Variants in PON3 observed in about 807,000 individuals in gnomAD.
PON3 encodes the protein paraoxonase 3, also known as serum paraoxonase/lactonase 3.
In PON3, 37 loss-of-function variants were observed where a neutral mutation model predicts 36.3. The ratio of observed to expected loss-of-function variants is 1.02; its 90% confidence interval spans 0.78 to 1.34. The LOEUF is 1.34. Among genes scored for constraint, PON3 ranks in the 40% most tolerant of loss-of-function variants. PON3 has a pLI of 0.00. For synonymous variants in PON3, 155 were observed against 154.8 expected (o/e 1.00, Z -0.01); for missense variants, 415 against 426.5 (o/e 0.97, Z 0.24).
rs143836344 is a variant in PON3, at chr7:95,394,653, C to T, written c.136G>A (p.Glu46Lys). 27 of 1,613,860 alleles carry T rather than the reference C, an allele frequency of 1.7e-5. No homozygotes were observed. In the African/African-American group the frequency reaches 2.9e-4, roughly 18 times the overall value. ...ACTGTCACATACATACCAAGTTCCTCAATAAGGTGGCAGTTTTCAGGTTCT... is the reference window on the plus strand; with the variant it reads ...ACTGTCACATACATACCAAGTTCCTTAATAAGGTGGCAGTTTTCAGGTTCT... ...PVEPENCHLI[E>K]ELESGSEDID... The change falls in exon 2 of 9, where the codon GAG becomes AAG. Residue 46 changes from glutamate to lysine, a missense_variant. Coordinates refer to ENST00000265627, the MANE Select transcript of PON3 (RefSeq NM_000940.3).
intron 3 of PON3, among the ~76,000 whole-genome samples, chr7:95,389,757 T>C (rs1381808893): frequency 6.6e-6 from 1 of 152,106 alleles, no homozygotes; most frequent in Non-Finnish European, 1.5e-5. Context: ...GAGCTCCAAA[T>C]AAAGGCAGAC....
At chr7:95,375,608 G>T (rs1216266221) in intron 3 of PON3, among the ~76,000 whole-genome samples, 1 of 152,124 alleles carries the variant, frequency 6.6e-6, no homozygotes, top group Non-Finnish European at 1.5e-5. Context: ...GGGGGAAGGT[G>T]GAGCATAGCC....
At chr7:95,395,494 A>T (rs1809409286) in intron 1 of PON3, among the ~76,000 whole-genome samples, 1 of 152,160 alleles carries the variant, frequency 6.6e-6, no homozygotes, top group Non-Finnish European at 1.5e-5. Flanking sequence ...AAAACTCTCA[A>T]ACTGGAAGTA....
intron 3 of PON3, among the ~76,000 whole-genome samples, chr7:95,380,714 A>T (rs1426066979): frequency 6.6e-6 from 1 of 152,232 alleles, no homozygotes; most frequent in East Asian, 1.9e-4. Flanking sequence ...AAAAGACCAA[A>T]TCTGCGTCTG....
chr7:95,371,677 A>G (rs978866785), intron 4 of PON3, among the ~76,000 whole-genome samples: 1 of 152,162 alleles, frequency 6.6e-6, no homozygotes, highest in African/African-American at 2.4e-5. Context: ...AATTATTTAT[A>G]TTGTCTGAAT....
chr7:95,376,212 C>A (rs1392294928), intron 3 of PON3, among the ~76,000 whole-genome samples: 1 of 152,302 alleles, frequency 6.6e-6, no homozygotes, highest in East Asian at 1.9e-4. Flanking sequence ...AAAGTGCCAC[C>A]ACAATGAACC....
chr7:95,387,891 C>T (rs914074136), intron 3 of PON3, among the ~76,000 whole-genome samples: 5 of 152,106 alleles, frequency 3.3e-5, no homozygotes, highest in African/African-American at 1.2e-4. Flanking sequence ...AAAATGATTC[C>T]CTATGTAATA....
At chr7:95,370,963 C>T (rs1043299172) in intron 4 of PON3, among the ~76,000 whole-genome samples, 1 of 152,302 alleles carries the variant, frequency 6.6e-6, no homozygotes, top group African/African-American at 2.4e-5. Flanking sequence ...ATTCCTCCTT[C>T]CCCACTCCCC....
chr7:95,367,284 G>A, intron 5 of PON3, 78 bp downstream of exon 5: 1 of 1,541,466 alleles, frequency 6.5e-7, no homozygotes, highest in Non-Finnish European at 8.8e-7. Context: ...GTTTAAGAAA[G>A]CCTGCTGAAC....
intron 3 of PON3, among the ~76,000 whole-genome samples, chr7:95,381,347 T>C (rs1809049342): frequency 6.6e-6 from 1 of 152,150 alleles, no homozygotes. Flanking sequence ...AATTCACACA[T>C]AACGATATTA....
intron 4 of PON3, among the ~76,000 whole-genome samples, chr7:95,368,701 G>C (rs1808747748): frequency 6.7e-6 from 1 of 150,238 alleles, no homozygotes; most frequent in African/African-American, 2.5e-5. Context: ...TAAGGGAGAT[G>C]ACAAACAAAT....
chr7:95,367,212 A>G, intron 5 of PON3, 150 bp downstream of exon 5: 2 of 910,112 alleles, frequency 2.2e-6, no homozygotes, highest in Non-Finnish European at 3.3e-6. Flanking sequence ...GGCGCTGGGA[A>G]GAGTCACCAT....
intron 5 of PON3, 101 bp downstream of exon 5, chr7:95,367,261 T>C: frequency 6.9e-7 from 1 of 1,443,398 alleles, no homozygotes; most frequent in Non-Finnish European, 9.5e-7. Flanking sequence ...ATCAAAACAA[T>C]TTCAAAACAA....
At chr7:95,391,619 C>G (rs1809320707) in intron 2 of PON3, among the ~76,000 whole-genome samples, 1 of 152,190 alleles carries the variant, frequency 6.6e-6, no homozygotes, top group Admixed American at 6.5e-5. Flanking sequence ...AAGTCTGGGT[C>G]TTGAAAACAC....
At chr7:95,368,527 TG>T (rs1438082948) in intron 4 of PON3, among the ~76,000 whole-genome samples, 1 of 152,196 alleles carries the variant, frequency 6.6e-6, no homozygotes, top group African/African-American at 2.4e-5. Flanking sequence ...GACACAATAG[TG>T]AACAATCACT....
chr7:95,369,926 G>C (rs1460547211), intron 4 of PON3, among the ~76,000 whole-genome samples: 2 of 152,228 alleles, frequency 1.3e-5, no homozygotes, highest in Non-Finnish European at 2.9e-5. Flanking sequence ...TGATGACAAA[G>C]AGTGAGCCAG....
At chr7:95,365,727 G>A (rs1474541123) in intron 5 of PON3, 1 of 152,156 alleles carries the variant, frequency 6.6e-6, no homozygotes, top group Admixed American at 6.5e-5. Context: ...TATTGGTAGG[G>A]CCATGTTATC....
chr7:95,390,568 G>A (rs1449657289), intron 2 of PON3, among the ~76,000 whole-genome samples: 2 of 152,156 alleles, frequency 1.3e-5, no homozygotes, highest in Admixed American at 1.3e-4. Flanking sequence ...TATAGACTCA[G>A]TGATAAAATC....
chr7:95,396,020 C>T, intron 1 of PON3: 1 of 530,108 alleles, frequency 1.9e-6, no homozygotes, highest in Non-Finnish European at 3.4e-6. Context: ...GGGTCATGAC[C>T]TTCAGAAAGC....
Sources: allele counts gnomAD v4.1 joint callset (sites outside exome capture counted in the v4.1 genomes callset), GRCh38; gene constraint gnomAD v4.1.1; transcripts MANE v1.5; gene names NCBI Gene and HGNC (gene_info 2026-07-23, HGNC 2026-07-21).